CACNA1A: variants seen among roughly 807,000 people sequenced by gnomAD.
CACNA1A encodes the protein calcium voltage-gated channel subunit alpha1 A.
A neutral mutation model predicts 262.4 loss-of-function variants in CACNA1A; 57 were observed. That is an observed-to-expected ratio of 0.22 (90% CI 0.18 to 0.27). CACNA1A has a LOEUF of 0.27. Ranked by LOEUF, CACNA1A falls within the 10% of genes least tolerant of loss-of-function variation. CACNA1A has a pLI of 1.00. For synonymous variants in CACNA1A, 1,431 were observed against 1,419.3 expected, an observed-to-expected ratio of 1.01 and a Z score of -0.18; for missense variants, 2,526 against 3,562.8, an observed-to-expected ratio of 0.71 and a Z score of 7.41.
At chr19:13,264,127 C>T (rs1457970137) in intron 24 of CACNA1A, among the ~76,000 whole-genome samples, 1 of 152,206 alleles carries the variant, frequency 6.6e-6, no homozygotes, top group East Asian at 1.9e-4. Flanking sequence ...ATGCAGACCC[C>T]AGAGATGCCA....
chr19:13,457,628 A>G (rs575740987), intron 1 of CACNA1A, among the ~76,000 whole-genome samples: 8 of 152,208 alleles, frequency 5.3e-5, no homozygotes, highest in Non-Finnish European at 1.2e-4. Context: ...AGGCAGGCAG[A>G]TCACCTGAGG....
intron 3 of CACNA1A, among the ~76,000 whole-genome samples, chr19:13,430,790 T>C (rs910059234): frequency 1.3e-5 from 2 of 151,966 alleles, no homozygotes; most frequent in Non-Finnish European, 2.9e-5. Flanking sequence ...CAGATGCTCT[T>C]CAGGGGTGTA....
chr19:13,275,427 C>CT (rs1163108121), intron 24 of CACNA1A: 2 of 195,462 alleles, frequency 1.0e-5, no homozygotes, highest in South Asian at 1.9e-4. Flanking sequence ...ACTACGGGGC[C>CT]TTCAGGCATA....
intron 3 of CACNA1A, among the ~76,000 whole-genome samples, chr19:13,436,523 T>C (rs2060613984): frequency 6.6e-6 from 1 of 151,818 alleles, no homozygotes. Flanking sequence ...ACTCATTCAT[T>C]CATTCACTCA....
At chr19:13,452,853 A>C (rs2060940762) in intron 3 of CACNA1A, 23 bp downstream of exon 3, 1 of 1,599,804 alleles carries the variant, frequency 6.3e-7, no homozygotes, top group East Asian at 2.2e-5. Flanking sequence ...TTAAATCCAA[A>C]GCGTATAGCA....
chr19:13,208,081 CAAAA>C, intron 46 of CACNA1A, 28 bp from the exon 47 acceptor site: 3 of 1,134,072 alleles, frequency 2.6e-6, no homozygotes, highest in Non-Finnish European at 3.2e-6. Context: ...CAAAGGAAAT[CAAAA>C]AAAAAGATAC....
At chr19:13,276,041 A>T (rs1472611420) in intron 23 of CACNA1A, 85 bp from the exon 24 acceptor site, 5 of 840,722 alleles carry the variant, frequency 5.9e-6, no homozygotes, top group Non-Finnish European at 9.7e-6. Context: ...CCTCTCGGGG[A>T]GAGGCAGGGA....
intron 3 of CACNA1A, among the ~76,000 whole-genome samples, chr19:13,420,034 C>T (rs1219396846): frequency 3.3e-5 from 5 of 150,794 alleles, no homozygotes; most frequent in African/African-American, 9.8e-5. Context: ...TGCAGTGAGC[C>T]GAGACTACTA....
At chr19:13,210,776 G>T in intron 43 of CACNA1A, 124 bp from the exon 44 acceptor site, 1 of 980,144 alleles carries the variant, frequency 1.0e-6, no homozygotes, top group Non-Finnish European at 1.6e-6. Context: ...AGTGGCACTG[G>T]CATCAAGAGA....
intron 1 of CACNA1A, among the ~76,000 whole-genome samples, chr19:13,464,738 C>G (rs186821472): frequency 6.6e-6 from 1 of 150,818 alleles, no homozygotes; most frequent in Non-Finnish European, 1.5e-5. Flanking sequence ...TTAGTAGAGA[C>G]GGGGTTTCAC....
rs1277499090 is a variant in CACNA1A at position 13,402,871 on chromosome 19, CACATATAT to C, written c.540-31100_540-31093del. ...ACATATATATATACACACACACACA[CACATATAT>C]ATATATATATATATATATATATATA... is the stretch of plus-strand genomic sequence containing the variant. On this transcript the variant is annotated intron_variant, in intron 3 of 46. Coordinates refer to ENST00000360228, the MANE Select transcript of CACNA1A (RefSeq NM_001127222.2). 1.0e-3 allele frequency among the ~76,000 whole-genome samples: 66 copies of C among 64,172 alleles called. 1 individual carries two copies. Among genetic ancestry groups the C allele is most frequent in the African/African-American group, 3.1e-3 (35 of 11,286 alleles). The allele number at this position is 64,172 out of a possible 152,430, so 42.1% of individuals were successfully genotyped here. A position where few individuals can be genotyped will look rare whatever the true frequency, so the allele number is the denominator to read the frequency against.
intron 3 of CACNA1A, among the ~76,000 whole-genome samples, chr19:13,376,811 T>TGACATATATACACATAATA: frequency 1.3e-5 from 1 of 76,088 alleles, no homozygotes; most frequent in African/African-American, 4.6e-5. Context: ...ATAATATATG[T>TGACATATATACACATAATA]TATGTGTGAT....
intron 3 of CACNA1A, among the ~76,000 whole-genome samples, chr19:13,439,478 C>T (rs2060676009): frequency 1.3e-5 from 2 of 151,146 alleles, no homozygotes; most frequent in African/African-American, 4.9e-5. Context: ...CAGCTCACTG[C>T]AAGCTCCGCC....
In CACNA1A at chr19:13,434,790, A is replaced by AT. The variant is rs575958460; in HGVS notation, c.539+18085dup. Reference sequence around the variant, plus strand: ...CCAGTCTCAGGGTTTTTATTTATTTATTATTATTATTATTATTTTTACAAG... The same window carrying AT: ...CCAGTCTCAGGGTTTTTATTTATTTATTTATTATTATTATTATTTTTACAAG... On this transcript the variant is annotated intron_variant, in intron 3 of 46. Transcript: ENST00000360228. 5.9e-5 allele frequency among the ~76,000 whole-genome samples: 9 copies of AT among 151,520 alleles called. No homozygotes were observed. The East Asian group carries it at 1.2e-3, about 20-fold the overall frequency.
At chr19:13,293,699 G>T (rs188604637) in intron 19 of CACNA1A, among the ~76,000 whole-genome samples, 2 of 150,072 alleles carry the variant, frequency 1.3e-5, no homozygotes, top group African/African-American at 2.5e-5. Flanking sequence ...CTTGTGATCC[G>T]CTCACCTCGG....
At position 13,312,581 on chromosome 19, in the gene CACNA1A, C is replaced by T. The variant is rs922390393; in HGVS notation, c.1668+88G>A. ...CTGAGTCTCTCATATTCAGGGGTGA[C>T]TTTACCTTTCTCCCTTTAATGTGTC... On this transcript the variant is annotated intron_variant, in intron 12 of 46. Transcript: ENST00000360228. The T allele has an allele frequency of 1.3e-5, 10 of 759,522 alleles. No homozygotes were observed. The African/African-American group carries it at 1.7e-4, about 13-fold the overall frequency. 47.0% of individuals were successfully genotyped at this position (759,522 alleles called of 1,614,324 possible).
chr19:13,444,179 C>T (rs898922391), intron 3 of CACNA1A, among the ~76,000 whole-genome samples: 1 of 152,178 alleles, frequency 6.6e-6, no homozygotes, highest in Non-Finnish European at 1.5e-5. Context: ...GTATAACTCA[C>T]TGAGAATGAC....
intron 26 of CACNA1A, 57 bp from the exon 27 acceptor site, chr19:13,259,758 G>A: frequency 6.3e-7 from 1 of 1,584,994 alleles, no homozygotes. Context: ...TCTTGCACTT[G>A]TCTTTGGTTA....
At chr19:13,406,963 A>ACACATGTATGCATGTGTACACACATACC (rs2060023699) in intron 3 of CACNA1A, among the ~76,000 whole-genome samples, 1 of 151,954 alleles carries the variant, frequency 6.6e-6, no homozygotes, top group African/African-American at 2.4e-5. Context: ...ACACACATGC[A>ACACATGTATGCATGTGTACACACATACC]CACATGTATG....
Sources: gnomAD v4.1 joint callset for allele counts (sites outside exome capture counted in the v4.1 genomes callset) on GRCh38, gnomAD v4.1.1 for gene constraint, MANE v1.5 for transcripts, NCBI Gene and HGNC (gene_info 2026-07-23, HGNC 2026-07-21) for gene names.